The following LRRC7 variants were observed in gnomAD, a reference collection of about 807,000 sequenced individuals.
LRRC7 encodes the protein leucine rich repeat containing 7, also known as leucine-rich repeat-containing protein 7.
Under a neutral mutation model 175.7 loss-of-function variants are expected in LRRC7, and 23 were observed. The ratio of observed to expected loss-of-function variants is 0.13; its 90% CI spans 0.09 to 0.19. The LOEUF is 0.19. Ranked by LOEUF, LRRC7 falls within the 10% of genes least tolerant of loss-of-function variation. The pLI, the probability that LRRC7 is intolerant of heterozygous loss-of-function variation, is 1.00. For missense variants in LRRC7, 1,354 were observed against 1,904.7 expected, an observed-to-expected ratio of 0.71 and a Z score of 5.38; for synonymous variants, 685 against 680.9, an observed-to-expected ratio of 1.01 and a Z score of -0.09.
At chr1:69,589,008 T>TGTGTGTGC (rs756682853) in intron 1 of LRRC7, among the ~76,000 whole-genome samples, 7 of 151,560 alleles carry the variant, frequency 4.6e-5, no homozygotes, top group African/African-American at 1.7e-4. Context: ...TGTGTGTGTG[T>TGTGTGTGC]GCGTGCATGT....
At chr1:69,808,866 A>C (rs895039619) in intron 4 of LRRC7, among the ~76,000 whole-genome samples, 2 of 152,138 alleles carry the variant, frequency 1.3e-5, no homozygotes, top group African/African-American at 4.8e-5. Context: ...GAGAAGCAAG[A>C]GCAAGCAAAT....
At chr1:69,779,967 C>T (rs1182548853) in intron 3 of LRRC7, among the ~76,000 whole-genome samples, 4 of 152,320 alleles carry the variant, frequency 2.6e-5, no homozygotes, top group African/African-American at 7.2e-5. Context: ...CTCTTCTTTG[C>T]CCAAGCACTG....
At chr1:69,652,017 T>G (rs1346581211) in intron 1 of LRRC7, among the ~76,000 whole-genome samples, 1 of 151,708 alleles carries the variant, frequency 6.6e-6, no homozygotes, top group Non-Finnish European at 1.5e-5. Flanking sequence ...GAGTGGAGAG[T>G]GTATCCTGCA....
At chr1:69,932,396 G>A (rs2101773738) in intron 8 of LRRC7, among the ~76,000 whole-genome samples, 1 of 152,236 alleles carries the variant, frequency 6.6e-6, no homozygotes, top group Non-Finnish European at 1.5e-5. Context: ...GTATAAAATA[G>A]GGATTATAAT....
intron 8 of LRRC7, among the ~76,000 whole-genome samples, chr1:69,935,401 T>C (rs577570865): frequency 4.6e-5 from 7 of 152,272 alleles, no homozygotes; most frequent in African/African-American, 1.7e-4. Flanking sequence ...ACCTACCAAA[T>C]TGGAATTATA....
At chr1:69,927,004 T>A (rs1019912802) in intron 7 of LRRC7, among the ~76,000 whole-genome samples, 1 of 152,212 alleles carries the variant, frequency 6.6e-6, no homozygotes, top group African/African-American at 2.4e-5. Context: ...ACAGGCCTGG[T>A]GGTGACAAAA....
chr1:70,109,630 A>G (rs1388944505), intron 26 of LRRC7, among the ~76,000 whole-genome samples: 1 of 152,204 alleles, frequency 6.6e-6, no homozygotes, highest in East Asian at 1.9e-4. Context: ...GATATTTTAA[A>G]TAATGTCTAT....
In LRRC7 at chr1:70,054,578, C is replaced by CTTTTTTTTTT. The variant is rs35639787; in HGVS notation, c.4230+1455_4230+1464dup. ...TTGAATTATGGTTCTTTACACTCTA[C>CTTTTTTTTTT]TTTTTTTTTTTTTTTTTTTTTTTTT... is the stretch of plus-strand genomic sequence containing the variant. On this transcript the variant is annotated intron_variant, in intron 23 of 26. Transcript: ENST00000651989. Among the ~76,000 whole-genome samples, 10 of 53,834 alleles carry CTTTTTTTTTT rather than the reference C, an allele frequency of 1.9e-4. 2 individuals carry two copies. The highest frequency in any genetic ancestry group is 2.0e-4 in the African/African-American group (3 of 15,114). 35.3% of individuals were successfully genotyped at this position (53,834 alleles called of 152,430 possible).
intron 2 of LRRC7, among the ~76,000 whole-genome samples, chr1:69,735,227 A>G (rs1256617602): frequency 1.3e-5 from 2 of 152,014 alleles, no homozygotes; most frequent in African/African-American, 4.8e-5. Context: ...TCATATTTAA[A>G]TTTCCCCAGT....
intron 4 of LRRC7, among the ~76,000 whole-genome samples, chr1:69,812,130 G>A (rs1677963809): frequency 6.6e-6 from 1 of 152,090 alleles, no homozygotes; most frequent in South Asian, 2.1e-4. Flanking sequence ...GTCAACCCTG[G>A]TTGTGCTTTA....
chr1:70,002,029 A>G (rs1176573964), intron 11 of LRRC7, among the ~76,000 whole-genome samples: 1 of 152,206 alleles, frequency 6.6e-6, no homozygotes, highest in Non-Finnish European at 1.5e-5. Flanking sequence ...TGATAGTTGT[A>G]AATATGTTAT....
rs190031076 is a variant in LRRC7, at chr1:69,675,785, C to T, written c.3-2596C>T. ...GACAGACCTAGAAGCTTAATCTTCA[C>T]CCCGCCCCCCACACGCACACATATA... On this transcript the variant is annotated intron_variant, in intron 1 of 26. Transcript: ENST00000651989. Among the ~76,000 whole-genome samples the T allele has an allele frequency of 3.2e-3, 483 of 152,104 alleles. 3 individuals carry two copies. The highest frequency in any genetic ancestry group is 0.011 in the African/African-American group (458 of 41,522).
intron 2 of LRRC7, among the ~76,000 whole-genome samples, chr1:69,753,147 C>T (rs937685099): frequency 6.6e-5 from 10 of 152,184 alleles, no homozygotes; most frequent in Middle Eastern, 3.4e-3. Flanking sequence ...GTTTCTGAAA[C>T]ACTTTCTCCA....
chr1:69,721,463 T>A (rs1240499472), intron 2 of LRRC7, among the ~76,000 whole-genome samples: 2 of 151,864 alleles, frequency 1.3e-5, no homozygotes, highest in Non-Finnish European at 2.9e-5. Context: ...TGAAACAGTG[T>A]GTAGTTTTTT....
At position 69,785,501 on chromosome 1, in the gene LRRC7, G is replaced by A. The variant is rs146660225; in HGVS notation, c.304-6542G>A. On this transcript the variant is annotated intron_variant, in intron 3 of 26. Transcript: ENST00000651989. Reference sequence around the variant, plus strand: ...TCCATTTTTACTGAAGGCAATCATTGATGCATTTGTATTAATGTATTTCAC... The same window carrying A: ...TCCATTTTTACTGAAGGCAATCATTAATGCATTTGTATTAATGTATTTCAC... 4.3e-4 allele frequency among the ~76,000 whole-genome samples: 66 copies of A among 152,118 alleles called. 1 individual carries two copies. The East Asian group carries it at 0.012, about 29-fold the overall frequency.
Position 69,735,570 on chromosome 1 carries a change from G to A in LRRC7, c.101-24621G>A, listed in dbSNP as rs114998056. Among the ~76,000 whole-genome samples the A allele has an allele frequency of 3.2e-3, 488 of 152,166 alleles. 3 individuals are homozygous for A. The highest frequency in any genetic ancestry group is 0.011 in the African/African-American group (442 of 41,532). On this transcript the variant is annotated intron_variant, in intron 2 of 26. Transcript: ENST00000651989. ...AGTGGAGGTGATGCTAAACTCTTGC[G>A]TAGTACATTTTCCCCTTTGTAATTA...
intron 8 of LRRC7, among the ~76,000 whole-genome samples, chr1:69,964,939 A>G (rs1445234457): frequency 6.6e-6 from 1 of 152,236 alleles, no homozygotes; most frequent in Non-Finnish European, 1.5e-5. Context: ...CTGGCCATCT[A>G]GATGAAAACA....
intron 8 of LRRC7, among the ~76,000 whole-genome samples, chr1:69,944,602 G>A (rs552008965): frequency 1.3e-5 from 2 of 152,060 alleles, no homozygotes; most frequent in African/African-American, 4.8e-5. Flanking sequence ...CATAATGACA[G>A]CACCATTTTA....
intron 7 of LRRC7, among the ~76,000 whole-genome samples, chr1:69,867,481 T>C (rs1685071491): frequency 6.6e-6 from 1 of 152,142 alleles, no homozygotes; most frequent in Admixed American, 6.5e-5. Flanking sequence ...AACATTAAGC[T>C]AGGAGTGACA....
Sources: gnomAD v4.1 joint callset for allele counts (sites outside exome capture counted in the v4.1 genomes callset) on GRCh38, gnomAD v4.1.1 for gene constraint, MANE v1.5 for transcripts, NCBI Gene and HGNC (gene_info 2026-07-23, HGNC 2026-07-21) for gene names.